KIF26B: variants seen among roughly 807,000 people sequenced by gnomAD.
The protein encoded by KIF26B is kinesin-like protein KIF26B.
In KIF26B, 63 loss-of-function variants were observed where a neutral mutation model predicts 151.2. The observed-to-expected ratio is 0.42, with a 90% CI of 0.34 to 0.51. The LOEUF is 0.51. Ranked by LOEUF, KIF26B falls within the 20% of genes least tolerant of loss-of-function variation. The probability of loss-of-function intolerance (pLI) is 0.07; values close to 1 mark genes in which losing one functional copy is unlikely to be tolerated. For missense variants in KIF26B, 2,813 were observed against 2,913.6 expected (o/e 0.97, Z 0.79); for synonymous variants, 1,357 against 1,262.1 (o/e 1.08, Z -1.59).
intron 5 of KIF26B, among the ~76,000 whole-genome samples, chr1:245,581,658 T>TG (rs1553291633): frequency 1.3e-5 from 2 of 152,094 alleles, no homozygotes; most frequent in Non-Finnish European, 2.9e-5. Flanking sequence ...AGACATTAAA[T>TG]GGGGAGGGAG....
rs1004818322 is a variant in KIF26B at position 245,166,998 on chromosome 1, T to C, written c.465+10315T>C. ...TTTTAAATATGCAGAACGATAAATA[T>C]GTCTTAAGTGTTATAGACCAGGTTA... On this transcript the variant is annotated intron_variant, in intron 2 of 14. Transcript: ENST00000407071. The surrounding 1 kb of genome is among the most constrained non-coding windows in gnomAD (Gnocchi z 4.5). 6.6e-6 allele frequency among the ~76,000 whole-genome samples: 1 copy of C among 152,240 alleles called. No homozygotes were observed. Among genetic ancestry groups the C allele is most frequent in the Non-Finnish European group, 1.5e-5 (1 of 68,042 alleles).
chr1:245,335,467 T>C (rs939616298), intron 2 of KIF26B, among the ~76,000 whole-genome samples: 1 of 145,588 alleles, frequency 6.9e-6, no homozygotes, highest in East Asian at 2.0e-4. Context: ...TGAGGTAGAA[T>C]CTGGAGGAGT....
intron 2 of KIF26B, chr1:245,214,070 A>G (rs1461931751): frequency 6.6e-6 from 1 of 152,228 alleles, no homozygotes; most frequent in Admixed American, 6.5e-5. Flanking sequence ...TGAAAACCTG[A>G]TAAATGGGAA....
chr1:245,461,537 G>A (rs56336129), intron 4 of KIF26B, among the ~76,000 whole-genome samples: 5,037 of 152,194 alleles, frequency 0.033, 191 homozygotes, highest in African/African-American at 0.095. Context: ...GGGCAGGGTC[G>A]TTTGTTGAGA....
At chr1:245,566,492 G>A (rs191307434) in intron 5 of KIF26B, among the ~76,000 whole-genome samples, 1 of 152,340 alleles carries the variant, frequency 6.6e-6, no homozygotes, top group Admixed American at 6.5e-5. Flanking sequence ...ATGAAAAAAT[G>A]CACAAATGCC....
chr1:245,616,228 C>T (rs12042340), intron 9 of KIF26B, among the ~76,000 whole-genome samples: 28,909 of 152,200 alleles, frequency 0.19, 3,438 homozygotes, highest in East Asian at 0.37. Context: ...GCAGATAGCA[C>T]TAGGTTAAGC....
intron 5 of KIF26B, among the ~76,000 whole-genome samples, chr1:245,547,925 T>G (rs1661786944): frequency 2.0e-5 from 3 of 152,214 alleles, no homozygotes; most frequent in African/African-American, 7.2e-5. Flanking sequence ...TCTTGAGCTT[T>G]CAGAGTGCAA....
chr1:245,174,730 C>T (rs540591886), intron 2 of KIF26B, among the ~76,000 whole-genome samples: 7 of 152,264 alleles, frequency 4.6e-5, no homozygotes, highest in South Asian at 2.1e-4. Context: ...AGGCTCTGGA[C>T]GCTTGATGAG....
intron 2 of KIF26B, among the ~76,000 whole-genome samples, chr1:245,283,811 C>T (rs369285899): frequency 1.3e-5 from 2 of 151,992 alleles, no homozygotes; most frequent in Non-Finnish European, 2.9e-5. Flanking sequence ...CCTCAGCCTC[C>T]GGAGTAGCTG....
chr1:245,374,133 A>G (rs1673215063), intron 3 of KIF26B, among the ~76,000 whole-genome samples: 1 of 105,160 alleles, frequency 9.5e-6, no homozygotes, highest in Non-Finnish European at 2.0e-5. Flanking sequence ...ATATATATAT[A>G]TATATGGGCA....
intron 2 of KIF26B, among the ~76,000 whole-genome samples, chr1:245,189,884 G>T (rs191363228): frequency 6.6e-6 from 1 of 152,220 alleles, no homozygotes; most frequent in East Asian, 1.9e-4. Context: ...TGAAAGTCAC[G>T]TCTTACATGG....
chr1:245,254,611 G>T (rs1008178261), intron 2 of KIF26B, among the ~76,000 whole-genome samples: 1 of 152,184 alleles, frequency 6.6e-6, no homozygotes, highest in African/African-American at 2.4e-5. Context: ...AGAATGGCAG[G>T]TTCTTAGTTC....
intron 9 of KIF26B, among the ~76,000 whole-genome samples, chr1:245,639,540 C>G (rs552599209): frequency 6.6e-6 from 1 of 151,630 alleles, no homozygotes; most frequent in East Asian, 1.9e-4. Flanking sequence ...TTTTCTAGTT[C>G]ATTGAGGTGC....
chr1:245,329,402 C>T (rs1003446262), intron 2 of KIF26B, among the ~76,000 whole-genome samples: 7 of 152,230 alleles, frequency 4.6e-5, no homozygotes, highest in African/African-American at 1.7e-4. Context: ...ACATAAACAC[C>T]GTGGCATTCC....
chr1:245,523,246 C>T (rs762713475), intron 4 of KIF26B, among the ~76,000 whole-genome samples: 12 of 152,186 alleles, frequency 7.9e-5, no homozygotes, highest in Non-Finnish European at 1.8e-4. Context: ...TACTATATTA[C>T]TAAATAAATG....
intron 2 of KIF26B, among the ~76,000 whole-genome samples, chr1:245,198,991 G>T (rs2103537017): frequency 6.6e-6 from 1 of 152,164 alleles, no homozygotes; most frequent in East Asian, 1.9e-4. Flanking sequence ...CTGAGCTGAG[G>T]CTGGAGTCCC....
At chr1:245,440,032 T>A (rs922418104) in intron 4 of KIF26B, among the ~76,000 whole-genome samples, 7 of 152,070 alleles carry the variant, frequency 4.6e-5, no homozygotes, top group African/African-American at 7.2e-5. Context: ...CCATCCTGGC[T>A]AACACGGTGA....
intron 5 of KIF26B, among the ~76,000 whole-genome samples, chr1:245,577,701 C>T (rs1048319543): frequency 6.8e-6 from 1 of 147,128 alleles, no homozygotes; most frequent in Admixed American, 6.7e-5. Context: ...CCGGGCGATG[C>T]ATCTCCTCAC....
At chr1:245,390,242 A>G (rs1164329605) in intron 3 of KIF26B, among the ~76,000 whole-genome samples, 1 of 151,016 alleles carries the variant, frequency 6.6e-6, no homozygotes, top group African/African-American at 2.4e-5. Context: ...TTTTTGAGAC[A>G]GAGTCTCACT....
Sources: gnomAD v4.1 joint callset for allele counts (sites outside exome capture counted in the v4.1 genomes callset) on GRCh38, gnomAD v4.1.1 for gene constraint, Gnocchi (gnomAD v3.1) non-coding constraint, MANE v1.5 for transcripts, NCBI Gene and HGNC (gene_info 2026-07-23, HGNC 2026-07-21) for gene names.